Variants in HSPA1B observed in about 807,000 individuals in gnomAD.
HSPA1B encodes the protein heat shock 70 kDa protein 1B.
Under a neutral mutation model 9.0 loss-of-function variants are expected in HSPA1B, and 7 were observed. The observed-to-expected ratio is 0.78, with a 90% CI of 0.44 to 1.46. The LOEUF is 1.46. Among genes scored for constraint, HSPA1B ranks in the 40% most tolerant of loss-of-function variants. The pLI is 0.01. For missense variants in HSPA1B, 199 were observed against 424.5 expected, an observed-to-expected ratio of 0.47 and a Z score of 4.67; for synonymous variants, 125 against 184.5, an observed-to-expected ratio of 0.68 and a Z score of 2.61.
rs759080482 is a variant in HSPA1B at position 31,827,920 on chromosome 6, C to T, written c.-31C>T. The T allele has an allele frequency of 2.5e-6, 4 of 1,613,284 alleles. No homozygotes were observed. Among genetic ancestry groups the T allele is most frequent in the South Asian group, 2.2e-5 (2 of 91,062 alleles). On this transcript the variant is annotated 5_prime_UTR_variant, in exon 1 of 1. Coordinates refer to ENST00000375650, the MANE Select transcript of HSPA1B (RefSeq NM_005346.6). ...GTCCGCCGTTTCCAGCCCCCAGTCT[C>T]AGAGCGGAGCCCACAGAGCAGGGCA...
In HSPA1B at chr6:31,827,808, G is replaced by A. The variant is rs749692628; in HGVS notation, c.-143G>A. On this transcript the variant is annotated 5_prime_UTR_variant, in exon 1 of 1. Transcript: ENST00000375650. ...CGAGAGTGACTCCCGCGGTCCCAAG[G>A]CTTTCCAGAGCGAACCTGTGCGGCT... 13 of 1,540,580 alleles carry A rather than the reference G, an allele frequency of 8.4e-6. No homozygotes were observed. In the South Asian group the frequency reaches 1.4e-4, roughly 16 times the overall value.
Position 31,827,846 on chromosome 6 carries a change from G to C in HSPA1B, c.-105G>C. 6.2e-7 allele frequency: 1 copy of C among 1,605,242 alleles called. No individual in the cohort carries two copies. Among genetic ancestry groups the C allele is most frequent in the Non-Finnish European group, 8.5e-7 (1 of 1,175,782 alleles). ...AACCTGTGCGGCTGCAGGCACCGGC[G>C]TGTTGAGTTTCCGGCGTTCCGAAGG... On this transcript the variant is annotated 5_prime_UTR_variant, in exon 1 of 1. Coordinates refer to ENST00000375650, the MANE Select transcript of HSPA1B (RefSeq NM_005346.6).
rs761040214 is a variant in HSPA1B, at chr6:31,829,582, C to T, written c.1632C>T (p.Ser544=). Residue 544 remains serine, a synonymous_variant, in exon 1 of 1, where the codon TCC becomes TCT. Transcript: ENST00000375650. ...ERVSAKNALE[S]YAFNMKSAVE... ...TGTCAGCCAAGAACGCCCTGGAGTCCTACGCCTTCAACATGAAGAGCGCCG... is the reference window on the plus strand; with the variant it reads ...TGTCAGCCAAGAACGCCCTGGAGTCTTACGCCTTCAACATGAAGAGCGCCG... 4.4e-6 allele frequency: 7 copies of T among 1,608,338 alleles called. No individual in the cohort carries two copies. Among genetic ancestry groups the T allele is most frequent in the Non-Finnish European group, 5.9e-6 (7 of 1,178,712 alleles).
At position 31,829,647 on chromosome 6, in the gene HSPA1B, A is replaced by G. The variant is rs779945701; in HGVS notation, c.1697A>G (p.Asp566Gly). 4 of 1,612,386 alleles carry G rather than the reference A, an allele frequency of 2.5e-6. No individual in the cohort carries two copies. Among genetic ancestry groups the G allele is most frequent in the Non-Finnish European group, 3.4e-6 (4 of 1,179,800 alleles). Residue 566 changes from aspartate (D) to glycine (G), a missense_variant, in exon 1 of 1, where the codon GAC becomes GGC. By Grantham distance (94) the Asp-to-Gly change is moderately conservative (BLOSUM62 -1). Around this residue, in one of 5 missense-constraint regions of HSPA1B, gnomAD observed 67 missense variants for 106.4 expected, o/e 0.63. Coordinates refer to ENST00000375650, the MANE Select transcript of HSPA1B (RefSeq NM_005346.6). ...EGLKGKISEA[D>G]KKKVLDKCQE... ...CTCAAGGGCAAGATCAGCGAGGCGG[A>G]CAAGAAGAAGGTTCTGGACAAGTGT... is the stretch of plus-strand genomic sequence containing the variant.
chr6:31,828,341 G>A lies in HSPA1B; in HGVS notation c.391G>A (p.Ala131Thr), dbSNP rs1489256478. ...GGTGCTGACCAAGATGAAGGAGATC[G>A]CCGAGGCGTACCTGGGCTACCCGGT... ...SMVLTKMKEI[A>T]EAYLGYPVTN... Residue 131 changes from alanine to threonine, a missense_variant, in exon 1 of 1, where the codon GCC becomes ACC. Coordinates refer to ENST00000375650, the MANE Select transcript of HSPA1B (RefSeq NM_005346.6). 2 of 466,142 alleles carry A rather than the reference G, an allele frequency of 4.3e-6. No homozygotes were observed. Among genetic ancestry groups the A allele is most frequent in the Admixed American group, 5.1e-5 (1 of 19,606 alleles). 28.9% of individuals were successfully genotyped at this position (466,142 alleles called of 1,614,324 possible). A position where few individuals can be genotyped will look rare whatever the true frequency, so the allele number is the denominator to read the frequency against.
chr6:31,828,181 G>A lies in HSPA1B; in HGVS notation c.231G>A (p.Lys77=). ...VFDAKRLIGR[K]FGDPVVQSDM... ...ACGCGAAGCGGCTGATTGGCCGCAA[G>A]TTCGGCGACCCGGTGGTGCAGTCGG... Residue 77 remains lysine, a synonymous_variant, in exon 1 of 1, where the codon AAG becomes AAA. Transcript: ENST00000375650. The A allele has an allele frequency of 7.3e-7, 1 of 1,377,718 alleles. No individual in the cohort carries two copies. 85.3% of individuals were successfully genotyped at this position (1,377,718 alleles called of 1,614,324 possible).
In HSPA1B at chr6:31,828,187, C is replaced by T; in HGVS notation, c.237C>T (p.Gly79=). ...DAKRLIGRKF[G]DPVVQSDMKH... is the part of the protein sequence containing the mutation. ...AGCGGCTGATTGGCCGCAAGTTCGGCGACCCGGTGGTGCAGTCGGACATGA... is the reference window on the plus strand; with the variant it reads ...AGCGGCTGATTGGCCGCAAGTTCGGTGACCCGGTGGTGCAGTCGGACATGA... Residue 79 remains glycine (G), a synonymous_variant, in exon 1 of 1, where the codon GGC becomes GGT. Transcript: ENST00000375650. 7.4e-7 allele frequency: 1 copy of T among 1,351,462 alleles called. No individual in the cohort carries two copies. Among genetic ancestry groups the T allele is most frequent in the Non-Finnish European group, 9.9e-7 (1 of 1,008,454 alleles). The allele number at this position is 1,351,462 out of a possible 1,614,324, so 83.7% of individuals were successfully genotyped here.
chr6:31,830,034 G>A lies in HSPA1B; in HGVS notation c.*158G>A. ...GTAATTAGCTGGCTTCATTATTTTT[G>A]TAGTACAACCGATATGTTCATTAGA... On this transcript the variant is annotated 3_prime_UTR_variant, in exon 1 of 1. Transcript: ENST00000375650. The A allele has an allele frequency of 2.3e-6, 2 of 883,366 alleles. No homozygotes were observed. Among genetic ancestry groups the A allele is most frequent in the Non-Finnish European group, 3.5e-6 (2 of 572,668 alleles). The allele number at this position is 883,366 out of a possible 1,614,324, so 54.7% of individuals were successfully genotyped here. A position where few individuals can be genotyped will look rare whatever the true frequency, so the allele number is the denominator to read the frequency against.
rs572178551 is a variant in HSPA1B at position 31,827,770 on chromosome 6, C to T, written c.-181C>T. On this transcript the variant is annotated 5_prime_UTR_variant, in exon 1 of 1. Transcript: ENST00000375650. ...CAGCCTGAGGAGCTGCTGCGAGGGT[C>T]CGCTTCGTCTTTCGAGAGTGACTCC... 7.4e-5 allele frequency: 101 copies of T among 1,362,230 alleles called. No individual in the cohort carries two copies. Among genetic ancestry groups the T allele is most frequent in the Non-Finnish European group, 9.2e-5 (90 of 983,196 alleles). 84.4% of individuals were successfully genotyped at this position (1,362,230 alleles called of 1,614,324 possible). A position where few individuals can be genotyped will look rare whatever the true frequency, so the allele number is the denominator to read the frequency against.
Position 31,828,220 on chromosome 6 carries a change from G to C in HSPA1B, c.270G>C (p.Trp90Cys). 9.5e-7 allele frequency: 1 copy of C among 1,057,864 alleles called. No individual in the cohort carries two copies. The highest frequency in any genetic ancestry group is 1.5e-5 in the South Asian group (1 of 65,260). 65.5% of individuals were successfully genotyped at this position (1,057,864 alleles called of 1,614,324 possible). Reference sequence around the variant, plus strand: ...TGGTGCAGTCGGACATGAAGCACTGGCCTTTCCAGGTGATCAACGACGGAG... The same window carrying C: ...TGGTGCAGTCGGACATGAAGCACTGCCCTTTCCAGGTGATCAACGACGGAG... Reference protein sequence around the residue: ...DPVVQSDMKHWPFQVINDGDK... With the variant: ...DPVVQSDMKHCPFQVINDGDK... The change falls in exon 1 of 1, where the codon TGG becomes TGC. Residue 90 changes from tryptophan (W) to cysteine (C), a missense_variant. Coordinates refer to ENST00000375650, the MANE Select transcript of HSPA1B (RefSeq NM_005346.6).
Position 31,828,148 on chromosome 6 carries a change from C to T in HSPA1B, c.198C>T (p.Thr66=). ...AGGTGGCGCTGAACCCGCAGAACAC[C>T]GTGTTTGACGCGAAGCGGCTGATTG... ...KNQVALNPQN[T]VFDAKRLIGR... Residue 66 remains threonine, a synonymous_variant, in exon 1 of 1, where the codon ACC becomes ACT. Coordinates refer to ENST00000375650, the MANE Select transcript of HSPA1B (RefSeq NM_005346.6). The T allele has an allele frequency of 6.6e-7, 1 of 1,505,594 alleles. No individual in the cohort carries two copies. Among genetic ancestry groups the T allele is most frequent in the Non-Finnish European group, 8.9e-7 (1 of 1,118,136 alleles). The allele number at this position is 1,505,594 out of a possible 1,614,324, so 93.3% of individuals were successfully genotyped here.
Position 31,830,133 on chromosome 6 carries a change from T to G in HSPA1B, c.*257T>G. The G allele has an allele frequency of 5.6e-6, 2 of 359,892 alleles. No individual in the cohort carries two copies. The highest frequency in any genetic ancestry group is 1.0e-5 in the Non-Finnish European group (2 of 196,344). The allele number at this position is 359,892 out of a possible 1,614,324, so 22.3% of individuals were successfully genotyped here. A position where few individuals can be genotyped will look rare whatever the true frequency, so the allele number is the denominator to read the frequency against. ...AATGAATCAACACTGCCACCTTCTG[T>G]ACGAGTTTGTTTGTTTTTTTTTTTT... On this transcript the variant is annotated 3_prime_UTR_variant, in exon 1 of 1. Coordinates refer to ENST00000375650, the MANE Select transcript of HSPA1B (RefSeq NM_005346.6).
At position 31,827,814 on chromosome 6, in the gene HSPA1B, C is replaced by T; in HGVS notation, c.-137C>T. ...TGACTCCCGCGGTCCCAAGGCTTTC[C>T]AGAGCGAACCTGTGCGGCTGCAGGC... On this transcript the variant is annotated 5_prime_UTR_variant, in exon 1 of 1. Transcript: ENST00000375650. The T allele has an allele frequency of 6.4e-7, 1 of 1,556,116 alleles. No individual in the cohort carries two copies. The highest frequency in any genetic ancestry group is 8.7e-7 in the Non-Finnish European group (1 of 1,144,512).
chr6:31,827,981 C>T lies in HSPA1B; in HGVS notation c.31C>T (p.Leu11=), dbSNP rs1459856372. MAKAAAIGID[L]GTTYSCVGVF... is the part of the protein sequence containing the mutation. ...CAAAGCCGCGGCGATCGGCATCGACCTGGGCACCACCTACTCCTGCGTGGG... is the reference window on the plus strand; with the variant it reads ...CAAAGCCGCGGCGATCGGCATCGACTTGGGCACCACCTACTCCTGCGTGGG... The change falls in exon 1 of 1, where the codon CTG becomes TTG. Residue 11 remains leucine, a synonymous_variant. Coordinates refer to ENST00000375650, the MANE Select transcript of HSPA1B (RefSeq NM_005346.6). The T allele has an allele frequency of 3.7e-6, 6 of 1,613,042 alleles. No individual in the cohort carries two copies. The highest frequency in any genetic ancestry group is 1.7e-5 in the Admixed American group (1 of 59,926).
In HSPA1B at chr6:31,828,046, C is replaced by A; in HGVS notation, c.96C>A (p.Asp32Glu). ...QHGKVEIIAN[D>E]QGNRTTPSYV... ...GCAAGGTGGAGATCATCGCCAACGA[C>A]CAGGGCAACCGCACCACCCCCAGCT... Residue 32 changes from aspartate (D) to glutamate (E), a missense_variant, in exon 1 of 1, where the codon GAC (aspartate) becomes GAA (glutamate). Transcript: ENST00000375650. 1 of 1,609,180 alleles carries A rather than the reference C, an allele frequency of 6.2e-7. No homozygotes were observed. The highest frequency in any genetic ancestry group is 1.3e-5 in the African/African-American group (1 of 74,144).
At position 31,828,006 on chromosome 6, in the gene HSPA1B, G is replaced by A; in HGVS notation, c.56G>A (p.Gly19Glu). Residue 19 changes from glycine (G) to glutamate (E), a missense_variant, in exon 1 of 1, where the codon GGG (glycine) becomes GAG (glutamate). By Grantham distance (98) the Gly-to-Glu change is moderately conservative. Coordinates refer to ENST00000375650, the MANE Select transcript of HSPA1B (RefSeq NM_005346.6). ...IDLGTTYSCV[G>E]VFQHGKVEII... is the part of the protein sequence containing the mutation. ...CTGGGCACCACCTACTCCTGCGTGG[G>A]GGTGTTCCAACACGGCAAGGTGGAG... The A allele has an allele frequency of 6.2e-7, 1 of 1,611,752 alleles. No homozygotes were observed. Among genetic ancestry groups the A allele is most frequent in the Non-Finnish European group, 8.5e-7 (1 of 1,179,188 alleles).
chr6:31,828,587 G>T lies in HSPA1B; in HGVS notation c.637G>T (p.Asp213Tyr). 2.2e-5 allele frequency: 2 copies of T among 91,438 alleles called. No individual in the cohort carries two copies. The highest frequency in any genetic ancestry group is 1.5e-4 in the South Asian group (2 of 13,238). The allele number at this position is 91,438 out of a possible 1,614,324, so 5.7% of individuals were successfully genotyped here. ...CTTCGACGTGTCCATCCTGACGATC[G>T]ACGACGGCATCTTCGAGGTGAAGGC... The part of the protein sequence containing the change: ...GTFDVSILTI[D>Y]DGIFEVKATA... Residue 213 changes from aspartate to tyrosine, a missense_variant, in exon 1 of 1, where the codon GAC (aspartate) becomes TAC (tyrosine). Asp to Tyr is a radical substitution (Grantham distance 160). Around this residue, in one of 5 missense-constraint regions of HSPA1B, gnomAD observed 14 missense variants for 147.2 expected, o/e 0.10. Coordinates refer to ENST00000375650, the MANE Select transcript of HSPA1B (RefSeq NM_005346.6).
rs774259708 is a variant in HSPA1B, at chr6:31,827,902, G to A, written c.-49G>A. ...GCTCTTGTCGCGGATCCCGTCCGCC[G>A]TTTCCAGCCCCCAGTCTCAGAGCGG... On this transcript the variant is annotated 5_prime_UTR_variant, in exon 1 of 1. Coordinates refer to ENST00000375650, the MANE Select transcript of HSPA1B (RefSeq NM_005346.6). 3.7e-6 allele frequency: 6 copies of A among 1,613,184 alleles called. No individual in the cohort carries two copies. The South Asian group carries it at 4.4e-5, about 12-fold the overall frequency.
In HSPA1B at chr6:31,828,487, C is replaced by T; in HGVS notation, c.537C>T (p.Ala179=). Residue 179 remains alanine, a synonymous_variant, in exon 1 of 1, where the codon GCC becomes GCT. Transcript: ENST00000375650. ...GGATCATCAACGAGCCCACGGCCGCCGCCATCGCCTACGGCCTGGACAGAA... is the reference window on the plus strand; with the variant it reads ...GGATCATCAACGAGCCCACGGCCGCTGCCATCGCCTACGGCCTGGACAGAA... ...VLRIINEPTA[A]AIAYGLDRTG... is the part of the protein sequence containing the mutation. 1.2e-5 allele frequency: 3 copies of T among 256,644 alleles called. No homozygotes were observed. The highest frequency in any genetic ancestry group is 7.3e-5 in the South Asian group (3 of 41,112). The allele number at this position is 256,644 out of a possible 1,614,324, so 15.9% of individuals were successfully genotyped here.
Sources: gnomAD v4.1 joint callset for allele counts on GRCh38, gnomAD v4.1.1 for gene constraint, gnomAD v4.1.1 regional missense constraint, MANE v1.5 for transcripts, NCBI Gene and HGNC (gene_info 2026-07-23, HGNC 2026-07-21) for gene names.